The following IQCM variants were observed in gnomAD, a reference collection of about 807,000 sequenced individuals.
IQCM encodes the protein IQ domain-containing protein M.
In IQCM, 45 loss-of-function variants were observed where a neutral mutation model predicts 57.6. That is an observed-to-expected ratio of 0.78 (90% confidence interval 0.62 to 1.00). The LOEUF (loss-of-function observed/expected upper bound fraction) is 1.00. Ranked by LOEUF, IQCM falls within the 50% of genes least tolerant of loss-of-function variation. The probability of loss-of-function intolerance (pLI) is 0.00; values close to 1 mark genes in which losing one functional copy is unlikely to be tolerated. For missense variants in IQCM, 468 were observed against 511.6 expected (o/e 0.91, Z 0.82); for synonymous variants, 148 against 158.9 (o/e 0.93, Z 0.51).
At position 149,434,346 on chromosome 4, in the gene IQCM, C is replaced by T. The variant is rs555899126; in HGVS notation, c.1229-789G>A. 1.1e-4 allele frequency among the ~76,000 whole-genome samples: 16 copies of T among 152,114 alleles called. No homozygotes were observed. In the South Asian group the frequency reaches 2.7e-3, roughly 26 times the overall value. On this transcript the variant is annotated intron_variant, in intron 12 of 13. Transcript: ENST00000636793. Reference sequence around the variant, plus strand: ...TTAAACAATAATTTAAATTGCACAGCGAAAAATCTCTGGTATGCCCATTGG... The same window carrying T: ...TTAAACAATAATTTAAATTGCACAGTGAAAAATCTCTGGTATGCCCATTGG...
chr4:149,432,402 T>C (rs1242286274), intron 13 of IQCM, among the ~76,000 whole-genome samples: 1 of 152,000 alleles, frequency 6.6e-6, no homozygotes, highest in African/African-American at 2.4e-5. Flanking sequence ...TATAGAAAAA[T>C]AGTCTTTTCA....
intron 2 of IQCM, among the ~76,000 whole-genome samples, chr4:149,781,115 C>A (rs1771564143): frequency 6.6e-6 from 1 of 151,966 alleles, no homozygotes; most frequent in Admixed American, 6.6e-5. Context: ...AGAAAACATT[C>A]CTATTTCAAG....
intron 13 of IQCM, among the ~76,000 whole-genome samples, chr4:149,366,997 A>C (rs1161272881): frequency 6.6e-6 from 1 of 152,042 alleles, no homozygotes; most frequent in Non-Finnish European, 1.5e-5. Context: ...AATAACTGTC[A>C]TTTAATGTAT....
chr4:149,400,052 T>C (rs747385875), intron 13 of IQCM, among the ~76,000 whole-genome samples: 2 of 152,118 alleles, frequency 1.3e-5, no homozygotes, highest in African/African-American at 4.8e-5. Context: ...TTATCAATAC[T>C]TTTGTTGCTT....
intron 2 of IQCM, among the ~76,000 whole-genome samples, chr4:149,750,243 A>T (rs1768304687): frequency 6.6e-6 from 1 of 152,004 alleles, no homozygotes; most frequent in Non-Finnish European, 1.5e-5. Flanking sequence ...ACACACACAC[A>T]CTCTCCAAAA....
At chr4:149,745,290 G>T (rs1767823682) in intron 2 of IQCM, among the ~76,000 whole-genome samples, 1 of 152,192 alleles carries the variant, frequency 6.6e-6, no homozygotes. Flanking sequence ...ACTATTGAAA[G>T]TTTTTGAACA....
chr4:149,609,724 G>C (rs1755111452), intron 8 of IQCM, among the ~76,000 whole-genome samples: 1 of 151,502 alleles, frequency 6.6e-6, no homozygotes, highest in Non-Finnish European at 1.5e-5. Flanking sequence ...TCGGTATAGG[G>C]GGAACATACC....
chr4:149,465,194 T>A (rs1400507984), intron 12 of IQCM, among the ~76,000 whole-genome samples: 1 of 152,222 alleles, frequency 6.6e-6, no homozygotes, highest in African/African-American at 2.4e-5. Flanking sequence ...TCAGATAAAT[T>A]TCTATGAAGA....
At chr4:149,659,956 G>A (rs1017828634) in intron 7 of IQCM, among the ~76,000 whole-genome samples, 6 of 151,634 alleles carry the variant, frequency 4.0e-5, no homozygotes, top group African/African-American at 1.5e-4. Context: ...AAAAGCAATG[G>A]CAACAAAAGC....
intron 8 of IQCM, among the ~76,000 whole-genome samples, chr4:149,618,496 A>C (rs1561066402): frequency 2.6e-5 from 4 of 152,210 alleles, no homozygotes; most frequent in Non-Finnish European, 5.9e-5. Flanking sequence ...ACAAAAATGG[A>C]CAAATGAGAC....
At chr4:149,633,167 C>CAAAAAAAAA in intron 7 of IQCM, among the ~76,000 whole-genome samples, 1 of 22,942 alleles carries the variant, frequency 4.4e-5, no homozygotes, top group East Asian at 1.1e-3. Context: ...GACTCCGTCT[C>CAAAAAAAAA]AAAAAAAAAA....
chr4:149,486,020 TC>T (rs2149763383), intron 12 of IQCM, among the ~76,000 whole-genome samples: 1 of 17,018 alleles, frequency 5.9e-5, no homozygotes, highest in Admixed American at 9.0e-4. Context: ...AAACAGAGTC[TC>T]TCTCTCTCTC....
At chr4:149,486,834 G>A (rs1741574711) in intron 12 of IQCM, among the ~76,000 whole-genome samples, 1 of 152,064 alleles carries the variant, frequency 6.6e-6, no homozygotes, top group South Asian at 2.1e-4. Flanking sequence ...CAGGGCAGTG[G>A]GCTCCCCTTT....
chr4:149,713,461 T>C (rs779006788), intron 5 of IQCM, among the ~76,000 whole-genome samples: 1 of 152,210 alleles, frequency 6.6e-6, no homozygotes, highest in Non-Finnish European at 1.5e-5. Flanking sequence ...AACAAAACCA[T>C]GACTGGTCTC....
At chr4:149,502,691 AAAC>A (rs1166155195) in intron 12 of IQCM, among the ~76,000 whole-genome samples, 53 of 152,062 alleles carry the variant, frequency 3.5e-4, no homozygotes, top group African/African-American at 1.3e-3. Flanking sequence ...AAGCCAAACA[AAAC>A]AACAACAAAC....
intron 2 of IQCM, among the ~76,000 whole-genome samples, chr4:149,762,298 C>CA (rs1769601708): frequency 6.7e-6 from 1 of 149,486 alleles, no homozygotes; most frequent in Non-Finnish European, 1.5e-5. Flanking sequence ...GGACAGGCCT[C>CA]AAAAAACCAT....
intron 13 of IQCM, among the ~76,000 whole-genome samples, chr4:149,403,055 C>T (rs557755384): frequency 4.6e-5 from 7 of 151,916 alleles, no homozygotes; most frequent in Admixed American, 1.3e-4. Flanking sequence ...AGATGTCATT[C>T]GTATTTAAAA....
intron 10 of IQCM, among the ~76,000 whole-genome samples, chr4:149,557,979 C>A (rs1269915102): frequency 6.6e-6 from 1 of 152,178 alleles, no homozygotes; most frequent in Non-Finnish European, 1.5e-5. Flanking sequence ...CTTACTGTTA[C>A]TAAAGCCAGA....
chr4:149,604,596 T>C (rs577878397), intron 8 of IQCM, among the ~76,000 whole-genome samples: 2 of 152,348 alleles, frequency 1.3e-5, no homozygotes, highest in South Asian at 4.1e-4. Flanking sequence ...CTAAGTCTTC[T>C]TATTATTACT....
Sources: allele counts gnomAD v4.1 joint callset (sites outside exome capture counted in the v4.1 genomes callset), GRCh38; gene constraint gnomAD v4.1.1; transcripts MANE v1.5; gene names NCBI Gene and HGNC (gene_info 2026-07-23, HGNC 2026-07-21).